The following OPCML variants were observed in gnomAD, a reference collection of about 807,000 sequenced individuals.
OPCML encodes the protein opioid-binding protein/cell adhesion molecule.
A neutral mutation model predicts 37.8 loss-of-function variants in OPCML; 13 were observed. That is an observed-to-expected ratio of 0.34 (90% CI 0.22 to 0.55). OPCML has a LOEUF of 0.55. Among genes scored for constraint, OPCML ranks in the 20% least tolerant of loss-of-function variants. The pLI, the probability that OPCML is intolerant of heterozygous loss-of-function variation, is 0.91. For missense variants in OPCML, 341 were observed against 435.6 expected (o/e 0.78, Z 1.93); for synonymous variants, 176 against 168.8 (o/e 1.04, Z -0.33).
intron 4 of OPCML, among the ~76,000 whole-genome samples, chr11:132,507,353 T>C (rs1409431521): frequency 6.6e-6 from 1 of 151,914 alleles, no homozygotes; most frequent in East Asian, 1.9e-4. Context: ...TGGATGTTTA[T>C]GTTTAATATT....
At chr11:132,740,754 A>G (rs559537811) in intron 2 of OPCML, among the ~76,000 whole-genome samples, 1 of 152,338 alleles carries the variant, frequency 6.6e-6, no homozygotes, top group East Asian at 1.9e-4. Context: ...GCATTATGAA[A>G]GCAAGAACAC....
At chr11:132,977,897 T>G (rs956959108) in intron 1 of OPCML, among the ~76,000 whole-genome samples, 9 of 152,166 alleles carry the variant, frequency 5.9e-5, no homozygotes, top group African/African-American at 2.2e-4. Flanking sequence ...ATTGGAGAGA[T>G]AAGATCTGCA....
chr11:133,168,550 T>C (rs1950245490), intron 1 of OPCML, among the ~76,000 whole-genome samples: 3 of 152,198 alleles, frequency 2.0e-5, no homozygotes, highest in Admixed American at 6.5e-5. Flanking sequence ...AGACTTTAAG[T>C]AATAAAATAA....
intron 1 of OPCML, among the ~76,000 whole-genome samples, chr11:133,441,980 C>T (rs1310600660): frequency 1.3e-5 from 2 of 151,956 alleles, no homozygotes; most frequent in African/African-American, 4.8e-5. Context: ...TAATAAAATG[C>T]TAATAATAAT....
intron 2 of OPCML, among the ~76,000 whole-genome samples, chr11:132,671,770 A>C (rs1939505): frequency 0.024 from 3,683 of 152,162 alleles, 55 homozygotes; most frequent in Middle Eastern, 0.061. Flanking sequence ...GGGAAAGTCG[A>C]GTTTCCTTAT....
At chr11:133,425,299 G>C (rs540922955) in intron 1 of OPCML, among the ~76,000 whole-genome samples, 1 of 152,252 alleles carries the variant, frequency 6.6e-6, no homozygotes, top group South Asian at 2.1e-4. Context: ...GTGCTAAAAA[G>C]GCAGTGGTCT....
At chr11:132,766,472 G>T (rs1202948998) in intron 2 of OPCML, among the ~76,000 whole-genome samples, 2 of 152,066 alleles carry the variant, frequency 1.3e-5, no homozygotes, top group Non-Finnish European at 2.9e-5. Flanking sequence ...TGGTATTCCT[G>T]CCCATAAATG....
At chr11:132,649,062 G>A (rs748073492) in intron 3 of OPCML, among the ~76,000 whole-genome samples, 8 of 152,154 alleles carry the variant, frequency 5.3e-5, no homozygotes, top group Middle Eastern at 3.2e-3. Context: ...GTGAGCGTGT[G>A]TGTGGAGTAC....
intron 1 of OPCML, among the ~76,000 whole-genome samples, chr11:133,354,958 C>A (rs1475690581): frequency 1.3e-5 from 2 of 152,026 alleles, no homozygotes; most frequent in East Asian, 3.8e-4. Context: ...GAAAACAATC[C>A]CAACTGAGGT....
chr11:132,731,688 G>T (rs1364854787), intron 2 of OPCML, among the ~76,000 whole-genome samples: 4 of 152,178 alleles, frequency 2.6e-5, no homozygotes, highest in Admixed American at 6.5e-5. Flanking sequence ...ATTAAGAAAA[G>T]ATTTTCCAGA....
rs1393733777 is a variant in OPCML, at chr11:133,174,308, G to A, written c.62-231298C>T. 6.6e-6 allele frequency among the ~76,000 whole-genome samples: 1 copy of A among 152,094 alleles called. No individual in the cohort carries two copies. Among genetic ancestry groups the A allele is most frequent in the Non-Finnish European group, 1.5e-5 (1 of 68,020 alleles). ...TAGAGACCTGGAGAGAGAGGACAGG[G>A]GCCTCGCATGAACCTAGGTTCCAGG... On this transcript the variant is annotated intron_variant, in intron 1 of 7. Transcript: ENST00000524381. The surrounding 1 kb of genome is among the most constrained non-coding windows in gnomAD (Gnocchi z 4.6).
At chr11:133,258,255 A>G (rs1941379757) in intron 1 of OPCML, among the ~76,000 whole-genome samples, 1 of 152,230 alleles carries the variant, frequency 6.6e-6, no homozygotes, top group Non-Finnish European at 1.5e-5. Context: ...CACACAAAGC[A>G]GTCAGTATAG....
intron 1 of OPCML, among the ~76,000 whole-genome samples, chr11:133,082,471 C>G (rs1429062750): frequency 5.0e-5 from 5 of 100,608 alleles, no homozygotes; most frequent in Non-Finnish European, 1.1e-4. Flanking sequence ...CCTCCCCATC[C>G]TCCCCTCCCC....
intron 7 of OPCML, among the ~76,000 whole-genome samples, chr11:132,435,836 T>C (rs189767792): frequency 6.6e-6 from 1 of 152,232 alleles, no homozygotes; most frequent in Non-Finnish European, 1.5e-5. Context: ...TCTACCTGAT[T>C]CACAGTTTGG....
intron 2 of OPCML, among the ~76,000 whole-genome samples, chr11:132,830,451 A>G (rs187085183): frequency 1.3e-5 from 2 of 152,292 alleles, no homozygotes; most frequent in African/African-American, 4.8e-5. Flanking sequence ...GATTTGATTA[A>G]CCAGCTCACA....
At chr11:132,688,956 CAAAAAAAAAAAAAAA>C (rs749705629) in intron 2 of OPCML, among the ~76,000 whole-genome samples, 1 of 14,446 alleles carries the variant, frequency 6.9e-5, no homozygotes, top group African/African-American at 2.6e-4. Context: ...GACTCCGTCT[CAAAAAAAAAAAAAAA>C]AAAAAAAAAA....
intron 3 of OPCML, among the ~76,000 whole-genome samples, chr11:132,530,387 C>T (rs908943294): frequency 6.6e-6 from 1 of 152,074 alleles, no homozygotes; most frequent in African/African-American, 2.4e-5. Flanking sequence ...TTGTTTCTCA[C>T]CAATTTTCAC....
chr11:133,345,115 G>T (rs563708657), intron 1 of OPCML, among the ~76,000 whole-genome samples: 1 of 152,218 alleles, frequency 6.6e-6, no homozygotes, highest in Admixed American at 6.5e-5. Context: ...GAGGCCTAAA[G>T]TAACACTCTC....
At chr11:133,237,446 C>T (rs541612487) in intron 1 of OPCML, among the ~76,000 whole-genome samples, 4 of 152,272 alleles carry the variant, frequency 2.6e-5, no homozygotes, top group African/African-American at 7.2e-5. Flanking sequence ...GCCAGGACTA[C>T]AGTTAACACA....
Sources: gnomAD v4.1 joint callset for allele counts (sites outside exome capture counted in the v4.1 genomes callset) on GRCh38, gnomAD v4.1.1 for gene constraint, Gnocchi (gnomAD v3.1) non-coding constraint, MANE v1.5 for transcripts, NCBI Gene and HGNC (gene_info 2026-07-23, HGNC 2026-07-21) for gene names.